PTPN21: variants seen among roughly 807,000 people sequenced by gnomAD.
PTPN21 encodes the protein tyrosine-protein phosphatase non-receptor type 21.
PTPN21 carries 77 observed loss-of-function variants against 131.8 expected under a neutral mutation model. The observed-to-expected ratio is 0.58, with a 90% CI of 0.49 to 0.71. PTPN21 has a LOEUF of 0.71. Ranked by LOEUF, PTPN21 falls within the 30% of genes least tolerant of loss-of-function variation. PTPN21 has a pLI of 0.00. For missense variants in PTPN21, 1,552 were observed against 1,527.1 expected (o/e 1.02, Z -0.27); for synonymous variants, 715 against 621.3 (o/e 1.15, Z -2.24).
At chr14:88,497,996 G>A (rs1412676814) in intron 8 of PTPN21, among the ~76,000 whole-genome samples, 1 of 152,024 alleles carries the variant, frequency 6.6e-6, no homozygotes, top group African/African-American at 2.4e-5. Context: ...AGCTACTTGG[G>A]AGGCTGAGGC....
At chr14:88,492,904 AG>A (rs1419886130) in intron 10 of PTPN21, 3 of 344,118 alleles carry the variant, frequency 8.7e-6, no homozygotes, top group Non-Finnish European at 1.7e-5. Context: ...GATGAGGAAG[AG>A]GAGACCCTGC....
intron 13 of PTPN21, among the ~76,000 whole-genome samples, chr14:88,476,995 T>C (rs1371651292): frequency 1.3e-5 from 2 of 152,080 alleles, no homozygotes; most frequent in African/African-American, 4.8e-5. Context: ...CAGATAGCAT[T>C]TGGGGAAAGT....
chr14:88,553,197 GATA>G (rs1477956849), intron 1 of PTPN21, among the ~76,000 whole-genome samples: 4 of 152,076 alleles, frequency 2.6e-5, no homozygotes, highest in African/African-American at 9.7e-5. Context: ...CTGCATCAGG[GATA>G]AAGGAAAAGT....
chr14:88,546,964 G>A (rs2078791743), intron 2 of PTPN21, among the ~76,000 whole-genome samples: 1 of 152,180 alleles, frequency 6.6e-6, no homozygotes, highest in African/African-American at 2.4e-5. Flanking sequence ...GTTGGAAATT[G>A]TGGGACAGAC....
At chr14:88,548,716 T>G (rs2078818189) in intron 2 of PTPN21, among the ~76,000 whole-genome samples, 1 of 152,176 alleles carries the variant, frequency 6.6e-6, no homozygotes, top group African/African-American at 2.4e-5. Flanking sequence ...ATAACCAGTT[T>G]CTCTAACTTT....
intron 10 of PTPN21, among the ~76,000 whole-genome samples, chr14:88,489,622 C>T (rs997020805): frequency 1.3e-5 from 2 of 152,058 alleles, no homozygotes; most frequent in African/African-American, 4.8e-5. Context: ...CACACTCCAG[C>T]CTGGAAGACA....
chr14:88,544,956 T>C (rs1307104405), intron 2 of PTPN21, among the ~76,000 whole-genome samples: 1 of 152,040 alleles, frequency 6.6e-6, no homozygotes, highest in African/African-American at 2.4e-5. Flanking sequence ...GCCTCCCAAG[T>C]AGTTGGGACT....
At chr14:88,532,333 A>T (rs1339894611) in intron 2 of PTPN21, among the ~76,000 whole-genome samples, 1 of 151,920 alleles carries the variant, frequency 6.6e-6, no homozygotes, top group African/African-American at 2.4e-5. Context: ...GCTCTATTTT[A>T]AAATGTTTAA....
At chr14:88,501,445 T>C (rs1175752801) in intron 6 of PTPN21, 77 bp from the exon 7 acceptor site, 3 of 1,198,708 alleles carry the variant, frequency 2.5e-6, no homozygotes, top group East Asian at 2.3e-5. Context: ...TTAAAACCTA[T>C]ATGTCAATTT....
At chr14:88,550,893 C>T (rs891749) in intron 1 of PTPN21, among the ~76,000 whole-genome samples, 36,114 of 152,102 alleles carry the variant, frequency 0.24, 4,456 homozygotes, top group East Asian at 0.32. Flanking sequence ...ACTATAATCC[C>T]AAATTTTGTA....
chr14:88,477,446 T>TAAAAAAAAAA (rs59381948), intron 13 of PTPN21, among the ~76,000 whole-genome samples: 6 of 76,348 alleles, frequency 7.9e-5, no homozygotes, highest in Non-Finnish European at 9.6e-5. Flanking sequence ...AAGACTGTTC[T>TAAAAAAAAAA]AAAAAAAAAA....
intron 2 of PTPN21, among the ~76,000 whole-genome samples, chr14:88,522,093 T>C (rs1012934146): frequency 6.6e-6 from 1 of 151,960 alleles, no homozygotes; most frequent in Non-Finnish European, 1.5e-5. Context: ...TAGAAGAGAG[T>C]AGCGAGAACT....
intron 13 of PTPN21, among the ~76,000 whole-genome samples, chr14:88,477,979 G>A (rs889007700): frequency 2.0e-5 from 3 of 152,222 alleles, no homozygotes; most frequent in South Asian, 2.1e-4. Context: ...CATCTACAGT[G>A]TAGATGATAA....
At chr14:88,472,801 T>TTGAG (rs1448990166) in intron 14 of PTPN21, among the ~76,000 whole-genome samples, 1 of 151,806 alleles carries the variant, frequency 6.6e-6, no homozygotes, top group African/African-American at 2.4e-5. Context: ...GCCCAGGAGG[T>TTGAG]TGAGGCTGCA....
Position 88,485,215 on chromosome 14 carries a change from G to A in PTPN21, c.994-55C>T, listed in dbSNP as rs1385262815. ...GAAACACATTGCTTATGTAATACAG[G>A]TAAAGTTATTATCCACTGGATTCTT... On this transcript the variant is annotated intron_variant, in intron 11 of 18. Coordinates refer to ENST00000556564, the MANE Select transcript of PTPN21 (RefSeq NM_007039.4). 2.3e-5 allele frequency: 26 copies of A among 1,109,862 alleles called. No homozygotes were observed. The Admixed American group carries it at 6.5e-4, about 28-fold the overall frequency. 68.8% of individuals were successfully genotyped at this position (1,109,862 alleles called of 1,614,324 possible).
chr14:88,473,696 T>G lies in PTPN21; in HGVS notation c.2618A>C (p.Glu873Ala), dbSNP rs1307301193. Residue 873 changes from glutamate (E) to alanine (A), a missense_variant, in exon 14 of 19, where the codon GAA (glutamate) becomes GCA (alanine). Glu to Ala is a moderately radical substitution (Grantham distance 107). This residue lies in a region of PTPN21 where 316 missense variants were observed against 378.5 expected (regional missense o/e 0.83). Coordinates refer to ENST00000556564, the MANE Select transcript of PTPN21 (RefSeq NM_007039.4). Reference protein sequence around the residue: ...SRVPLPDEGKEVATRATNDER... With the variant: ...SRVPLPDEGKAVATRATNDER... ...ATCATTCGTTGCTCTGGTAGCCACT[T>G]CCTTTCCTTCATCAGGCAGAGGCAC... The G allele has an allele frequency of 6.2e-7, 1 of 1,613,416 alleles. No homozygotes were observed. Among genetic ancestry groups the G allele is most frequent in the East Asian group, 2.2e-5 (1 of 44,854 alleles).
rs778912178 is a variant in PTPN21 at position 88,479,718 on chromosome 14, G to A, written c.1713C>T (p.Pro571=). ...QVYRPPPPYP[P]PRPANSTPDL... Reference sequence around the variant, plus strand: ...CTGGCGTGCTGTTGGCGGGCCTGGGGGGCGGGTAGGGTGGGGGTGGCCGGT... The same window carrying A: ...CTGGCGTGCTGTTGGCGGGCCTGGGAGGCGGGTAGGGTGGGGGTGGCCGGT... Residue 571 remains proline, a synonymous_variant, in exon 13 of 19, where the codon CCC becomes CCT. Coordinates refer to ENST00000556564, the MANE Select transcript of PTPN21 (RefSeq NM_007039.4). 6.6e-7 allele frequency: 1 copy of A among 1,514,566 alleles called. No homozygotes were observed. Among genetic ancestry groups the A allele is most frequent in the South Asian group, 1.3e-5 (1 of 76,258 alleles). The allele number at this position is 1,514,566 out of a possible 1,614,324, so 93.8% of individuals were successfully genotyped here.
intron 8 of PTPN21, among the ~76,000 whole-genome samples, chr14:88,497,853 AC>A (rs1344511041): frequency 6.6e-6 from 1 of 151,998 alleles, no homozygotes; most frequent in African/African-American, 2.4e-5. Context: ...CAATCCGAGC[AC>A]TTTGGGAGGC....
intron 10 of PTPN21, among the ~76,000 whole-genome samples, chr14:88,492,617 T>C (rs947927390): frequency 9.9e-5 from 15 of 152,166 alleles, no homozygotes; most frequent in African/African-American, 3.6e-4. Context: ...CCGCATGTTA[T>C]CTTTACACTG....
Sources: gnomAD v4.1 joint callset for allele counts (sites outside exome capture counted in the v4.1 genomes callset) on GRCh38, gnomAD v4.1.1 for gene constraint, gnomAD v4.1.1 regional missense constraint, MANE v1.5 for transcripts, NCBI Gene and HGNC (gene_info 2026-07-23, HGNC 2026-07-21) for gene names.